CPN1: variants seen among roughly 807,000 people sequenced by gnomAD.
The protein encoded by CPN1 is carboxypeptidase N catalytic chain.
CPN1 carries 37 observed loss-of-function variants against 46.4 expected under a neutral mutation model. The observed-to-expected ratio is 0.80, with a 90% CI of 0.61 to 1.05. The LOEUF is 1.05. Among genes scored for constraint, CPN1 ranks in the 50% least tolerant of loss-of-function variants. The probability of loss-of-function intolerance (pLI) is 0.00; values close to 1 mark genes in which losing one functional copy is unlikely to be tolerated. For synonymous variants in CPN1, 224 were observed against 235.4 expected (o/e 0.95, Z 0.44); for missense variants, 563 against 602.6 (o/e 0.93, Z 0.69).
chr10:100,070,179 C>T (rs2041476458), intron 2 of CPN1, among the ~76,000 whole-genome samples: 1 of 151,726 alleles, frequency 6.6e-6, no homozygotes. Flanking sequence ...CCACCCACCT[C>T]GCCCTTCCAA....
Position 100,063,679 on chromosome 10 carries a change from C to T in CPN1, c.806G>A (p.Trp269Ter). 4 of 1,614,092 alleles carry T rather than the reference C, an allele frequency of 2.5e-6. No homozygotes were observed. Among genetic ancestry groups the T allele is most frequent in the Admixed American group, 1.7e-5 (1 of 60,004 alleles). ...ATCTGGGAAGTAATCTCCGCAGTTC[C>T]AACCTTGGAACATCCATCCATGTGC... ...SYAHGWMFQG[W>*]NCGDYFPDGI... is the part of the protein sequence containing the mutation. The change falls in exon 5 of 9, where the codon TGG becomes TAG. Residue 269 changes from tryptophan (W) to a stop codon, truncating the protein, a stop_gained. Coordinates refer to ENST00000370418, the MANE Select transcript of CPN1 (RefSeq NM_001308.3). LOFTEE classifies it high-confidence loss of function.
chr10:100,081,270 A>T (rs1589481313), intron 1 of CPN1, 133 bp downstream of exon 1: 2 of 796,960 alleles, frequency 2.5e-6, no homozygotes, highest in Admixed American at 4.0e-5. Context: ...AGAGGGAAAT[A>T]GCACAGGCTG....
intron 8 of CPN1, among the ~76,000 whole-genome samples, chr10:100,043,211 C>T (rs1360708243): frequency 1.3e-5 from 2 of 151,268 alleles, no homozygotes; most frequent in East Asian, 3.9e-4. Flanking sequence ...GCCTGGCCAA[C>T]ATGGTGAAAC....
chr10:100,053,580 A>G (rs7080753), intron 7 of CPN1, among the ~76,000 whole-genome samples: 6,566 of 151,768 alleles, frequency 0.043, 333 homozygotes, highest in African/African-American at 0.13. Flanking sequence ...AGATCACACC[A>G]TTGCCCTCCA....
chr10:100,054,591 C>T, intron 6 of CPN1, 145 bp from the exon 7 acceptor site: 1 of 695,138 alleles, frequency 1.4e-6, no homozygotes, highest in Non-Finnish European at 2.6e-6. Context: ...GTCTCTTTGC[C>T]TCTCTCCCTG....
At chr10:100,065,501 G>T in intron 3 of CPN1, 131 bp from the exon 4 acceptor site, 1 of 933,954 alleles carries the variant, frequency 1.1e-6, no homozygotes, top group South Asian at 1.6e-5. Context: ...CGTCCTGGCG[G>T]ATATGAAAAG....
intron 8 of CPN1, among the ~76,000 whole-genome samples, chr10:100,046,565 G>A (rs2041313421): frequency 6.6e-6 from 1 of 152,100 alleles, no homozygotes; most frequent in Non-Finnish European, 1.5e-5. Context: ...CTGAGGTCAG[G>A]AGTCCAAGAC....
At position 100,069,825 on chromosome 10, in the gene CPN1, A is replaced by C; in HGVS notation, c.465T>G (p.Asn155Lys). 6.2e-7 allele frequency: 1 copy of C among 1,613,812 alleles called. No homozygotes were observed. Among genetic ancestry groups the C allele is most frequent in the East Asian group, 2.2e-5 (1 of 44,870 alleles). The change falls in exon 3 of 9, where the codon AAT becomes AAG. Residue 155 changes from asparagine (N) to lysine (K), a missense_variant. Asn to Lys is a moderately conservative substitution (Grantham distance 94). Coordinates refer to ENST00000370418, the MANE Select transcript of CPN1 (RefSeq NM_001308.3). Reference sequence around the variant, plus strand: ...GGAAGTTGCGGTTCAGGTCCACTCCATTTGCATTGTTCCTGCCAACTAGAT... The same window carrying C: ...GGAAGTTGCGGTTCAGGTCCACTCCCTTTGCATTGTTCCTGCCAACTAGAT... ...PGYLVGRNNANGVDLNRNFPD... is the reference protein window; with the variant it reads ...PGYLVGRNNAKGVDLNRNFPD...
Position 100,063,212 on chromosome 10 carries a change from C to G in CPN1, c.871+402G>C, listed in dbSNP as rs112593117. Among the ~76,000 whole-genome samples the G allele has an allele frequency of 1.9e-3, 284 of 152,258 alleles. 2 individuals carry two copies. The highest frequency in any genetic ancestry group is 6.6e-3 in the African/African-American group (274 of 41,556). ...CATGGCTCACTGCAAACTCTGCCTC[C>G]CGGGTTCATGCCATTCTCCTGACTC... On this transcript the variant is annotated intron_variant, in intron 5 of 8. Coordinates refer to ENST00000370418, the MANE Select transcript of CPN1 (RefSeq NM_001308.3).
chr10:100,065,093 T>C, intron 4 of CPN1, 95 bp downstream of exon 4: 1 of 1,409,734 alleles, frequency 7.1e-7, no homozygotes, highest in South Asian at 1.4e-5. Flanking sequence ...TTATTTTCTG[T>C]GGCCTCGCAC....
intron 2 of CPN1, 99 bp downstream of exon 2, chr10:100,075,812 G>A: frequency 8.2e-7 from 1 of 1,219,206 alleles, no homozygotes; most frequent in Non-Finnish European, 1.2e-6. Flanking sequence ...TTTAACATTT[G>A]TGATATTTAC....
intron 7 of CPN1, 62 bp from the exon 8 acceptor site, chr10:100,048,938 GT>G: frequency 7.8e-7 from 1 of 1,278,122 alleles, no homozygotes; most frequent in South Asian, 1.2e-5. Context: ...ATAAGCTAGG[GT>G]TTTTATCTGA....
intron 6 of CPN1, 144 bp downstream of exon 6, chr10:100,056,869 G>T: frequency 9.9e-7 from 1 of 1,011,000 alleles, no homozygotes; most frequent in Non-Finnish European, 1.5e-6. Context: ...AATGTTGAAT[G>T]AATAAATCTC....
At chr10:100,046,232 G>C (rs1021028092) in intron 8 of CPN1, among the ~76,000 whole-genome samples, 1 of 152,248 alleles carries the variant, frequency 6.6e-6, no homozygotes, top group African/African-American at 2.4e-5. Context: ...GGCAGTCCTT[G>C]CCAGTGGCAC....
At chr10:100,063,305 T>C (rs2041431567) in intron 5 of CPN1, among the ~76,000 whole-genome samples, 2 of 151,826 alleles carry the variant, frequency 1.3e-5, no homozygotes, top group African/African-American at 2.4e-5. Flanking sequence ...ATATTTTTAG[T>C]AGAGACGGGG....
Position 100,063,678 on chromosome 10 carries a change from C to G in CPN1, c.807G>C (p.Trp269Cys). Reference sequence around the variant, plus strand: ...CATCTGGGAAGTAATCTCCGCAGTTCCAACCTTGGAACATCCATCCATGTG... The same window carrying G: ...CATCTGGGAAGTAATCTCCGCAGTTGCAACCTTGGAACATCCATCCATGTG... ...SYAHGWMFQG[W>C]NCGDYFPDGI... Residue 269 changes from tryptophan (W) to cysteine (C), a missense_variant, in exon 5 of 9, where the codon TGG becomes TGC. Trp to Cys is a radical substitution (Grantham distance 215). Coordinates refer to ENST00000370418, the MANE Select transcript of CPN1 (RefSeq NM_001308.3). 1.2e-6 allele frequency: 2 copies of G among 1,614,072 alleles called. No homozygotes were observed. Among genetic ancestry groups the G allele is most frequent in the Non-Finnish European group, 1.7e-6 (2 of 1,179,996 alleles).
In CPN1 at chr10:100,042,553, T is replaced by TC; in HGVS notation, c.1250dup (p.Ser418LysfsTer92). 1 of 1,613,986 alleles carries TC rather than the reference T, an allele frequency of 6.2e-7. No individual in the cohort carries two copies. The highest frequency in any genetic ancestry group is 1.1e-5 in the South Asian group (1 of 91,084). On this transcript the variant is annotated frameshift_variant, in exon 9 of 9. Coordinates refer to ENST00000370418, the MANE Select transcript of CPN1 (RefSeq NM_001308.3). LOFTEE classifies it low-confidence loss of function (END_TRUNC). ...TCACAGGGCTTACTTGAGGGATGCT[T>TC]CTTTTGAGGTGGAAGTTAACCTGGA...
At chr10:100,077,808 A>C (rs1185606186) in intron 1 of CPN1, among the ~76,000 whole-genome samples, 1 of 152,168 alleles carries the variant, frequency 6.6e-6, no homozygotes, top group Non-Finnish European at 1.5e-5. Context: ...GGATGGATAT[A>C]GTAGATGACA....
chr10:100,069,591 T>C, intron 3 of CPN1, 123 bp downstream of exon 3: 1 of 1,143,726 alleles, frequency 8.7e-7, no homozygotes, highest in Non-Finnish European at 1.3e-6. Context: ...GATGGGTTAA[T>C]ACTGAGTTGA....
Sources: gnomAD v4.1 joint callset for allele counts (sites outside exome capture counted in the v4.1 genomes callset) on GRCh38, gnomAD v4.1.1 for gene constraint, MANE v1.5 for transcripts, NCBI Gene and HGNC (gene_info 2026-07-23, HGNC 2026-07-21) for gene names.